Variants in WWOX observed in about 807,000 individuals in gnomAD.
WWOX encodes WW domain-containing oxidoreductase.
Under a neutral mutation model 46.2 loss-of-function variants are expected in WWOX, and 69 were observed. The ratio of observed to expected loss-of-function variants is 1.49; its 90% CI spans 1.23 to 1.82. The LOEUF is 1.82. Among genes scored for constraint, WWOX ranks in the 40% most tolerant of loss-of-function variants. WWOX has a pLI of 0.00. For synonymous variants in WWOX, 359 were observed against 202.6 expected (o/e 1.77, Z -6.56); for missense variants, 919 against 542.6 (o/e 1.69, Z -6.89).
At chr16:78,596,203 T>C (rs1284026005) in intron 8 of WWOX, among the ~76,000 whole-genome samples, 3 of 152,196 alleles carry the variant, frequency 2.0e-5, no homozygotes, top group East Asian at 1.9e-4. Flanking sequence ...AAACATGATA[T>C]CCAAAGTCAC....
chr16:78,584,008 G>A (rs2045130553), intron 8 of WWOX, among the ~76,000 whole-genome samples: 1 of 152,190 alleles, frequency 6.6e-6, no homozygotes, highest in African/African-American at 2.4e-5. Context: ...TGTTGTCTAA[G>A]CTTTACCATT....
chr16:78,543,453 A>T (rs1489418910), intron 8 of WWOX, among the ~76,000 whole-genome samples: 1 of 152,176 alleles, frequency 6.6e-6, no homozygotes, highest in East Asian at 1.9e-4. Flanking sequence ...GATAAAGTCA[A>T]ACTTGTGAAC....
intron 8 of WWOX, among the ~76,000 whole-genome samples, chr16:78,661,555 G>T (rs562309655): frequency 6.7e-6 from 1 of 149,284 alleles, no homozygotes; most frequent in Admixed American, 6.8e-5. Flanking sequence ...TTCTTGTAAG[G>T]TGTTTCTTAT....
intron 8 of WWOX, among the ~76,000 whole-genome samples, chr16:78,460,641 G>A (rs1014820625): frequency 6.6e-6 from 1 of 152,204 alleles, no homozygotes; most frequent in African/African-American, 2.4e-5. Flanking sequence ...GATGTGGCCT[G>A]TGGCAGACGT....
At chr16:78,806,343 T>C (rs552699514) in intron 8 of WWOX, among the ~76,000 whole-genome samples, 3 of 152,324 alleles carry the variant, frequency 2.0e-5, no homozygotes, top group African/African-American at 4.8e-5. Context: ...CCAGTAACAA[T>C]TGTTGCATAA....
At chr16:79,103,385 G>C (rs2049242209) in intron 8 of WWOX, among the ~76,000 whole-genome samples, 1 of 152,228 alleles carries the variant, frequency 6.6e-6, no homozygotes, top group Admixed American at 6.5e-5. Context: ...AATGCTTAGA[G>C]TGTCACAAAG....
At chr16:78,750,331 G>T (rs913239732) in intron 8 of WWOX, among the ~76,000 whole-genome samples, 1 of 152,052 alleles carries the variant, frequency 6.6e-6, no homozygotes, top group Non-Finnish European at 1.5e-5. Flanking sequence ...CCCCTCCTGT[G>T]GTCTGTAAGA....
chr16:79,179,011 T>G (rs1289988953), intron 8 of WWOX, among the ~76,000 whole-genome samples: 2 of 152,152 alleles, frequency 1.3e-5, no homozygotes, highest in Admixed American at 1.3e-4. Context: ...GTGAGAAGAA[T>G]CAGTCTACTG....
At chr16:78,575,813 T>C (rs1156271698) in intron 8 of WWOX, among the ~76,000 whole-genome samples, 1 of 152,180 alleles carries the variant, frequency 6.6e-6, no homozygotes, top group African/African-American at 2.4e-5. Flanking sequence ...CTGTCTATAC[T>C]TTCAGATGGA....
chr16:79,038,267 G>C (rs559403032), intron 8 of WWOX, among the ~76,000 whole-genome samples: 1 of 152,028 alleles, frequency 6.6e-6, no homozygotes, highest in African/African-American at 2.4e-5. Context: ...CCAGTGAATT[G>C]TCTCCTGAAG....
chr16:78,106,411 GT>G (rs998219778), intron 1 of WWOX, among the ~76,000 whole-genome samples: 6 of 123,680 alleles, frequency 4.9e-5, no homozygotes, highest in Non-Finnish European at 8.5e-5. Context: ...AGTCAGAACG[GT>G]TTTTTTTTGT....
intron 8 of WWOX, among the ~76,000 whole-genome samples, chr16:78,546,128 T>C (rs1251792896): frequency 6.6e-6 from 1 of 152,156 alleles, no homozygotes; most frequent in Non-Finnish European, 1.5e-5. Context: ...AAGACGGTCT[T>C]TAAAGAAATT....
intron 8 of WWOX, among the ~76,000 whole-genome samples, chr16:78,460,845 C>T (rs151270463): frequency 4.4e-4 from 67 of 152,316 alleles, no homozygotes; most frequent in African/African-American, 1.5e-3. Flanking sequence ...TGCTCTGTTA[C>T]GTGAGGACAC....
chr16:78,878,442 ATGAT>A (rs1391474711), intron 8 of WWOX, among the ~76,000 whole-genome samples: 1 of 152,206 alleles, frequency 6.6e-6, no homozygotes, highest in Non-Finnish European at 1.5e-5. Context: ...CTAAATGAGG[ATGAT>A]TGATAATCAA....
chr16:78,987,950 G>C (rs944432880), intron 8 of WWOX, among the ~76,000 whole-genome samples: 3 of 152,238 alleles, frequency 2.0e-5, no homozygotes, highest in Admixed American at 6.5e-5. Context: ...CAGTGGGAAA[G>C]AGGTAACAAA....
chr16:78,739,004 T>G (rs968272400), intron 8 of WWOX, among the ~76,000 whole-genome samples: 3 of 152,242 alleles, frequency 2.0e-5, no homozygotes, highest in Non-Finnish European at 4.4e-5. Context: ...TAGGATAGAA[T>G]TCAACAACTA....
At chr16:78,195,909 CT>C (rs1326804445) in intron 5 of WWOX, among the ~76,000 whole-genome samples, 33 of 150,030 alleles carry the variant, frequency 2.2e-4, no homozygotes, top group African/African-American at 7.6e-4. Flanking sequence ...TCCAACTGGG[CT>C]TTTGAATTTA....
At position 79,187,917 on chromosome 16, in the gene WWOX, T is replaced by G. The variant is rs2051051384; in HGVS notation, c.1057-23691T>G. Among the ~76,000 whole-genome samples the G allele has an allele frequency of 3.9e-5, 6 of 152,212 alleles. No individual in the cohort carries two copies. In the South Asian group the frequency reaches 1.2e-3, roughly 31 times the overall value. ...TCTTCTGAGCTGTGAGTCCTTCCTG[T>G]GCACCAGGCATGGATGGCAAGGCAC... On this transcript the variant is annotated intron_variant, in intron 8 of 8. Coordinates refer to ENST00000566780, the MANE Select transcript of WWOX (RefSeq NM_016373.4).
At chr16:78,399,787 A>G (rs1443393440) in intron 6 of WWOX, among the ~76,000 whole-genome samples, 1 of 152,180 alleles carries the variant, frequency 6.6e-6, no homozygotes, top group Non-Finnish European at 1.5e-5. Context: ...TTTGGAATCT[A>G]CACTTACATA....
Sources: gnomAD v4.1 joint callset for allele counts (sites outside exome capture counted in the v4.1 genomes callset) on GRCh38, gnomAD v4.1.1 for gene constraint, MANE v1.5 for transcripts, NCBI Gene and HGNC (gene_info 2026-07-23, HGNC 2026-07-21) for gene names.